Variants in PHACTR2 observed in about 807,000 individuals in gnomAD.
The protein encoded by PHACTR2 is chromosome 6 open reading frame 56.
A neutral mutation model predicts 76.0 loss-of-function variants in PHACTR2; 30 were observed. That is an observed-to-expected ratio of 0.39 (90% CI 0.30 to 0.54). The LOEUF is 0.54. Ranked by LOEUF, PHACTR2 falls within the 20% of genes least tolerant of loss-of-function variation. The probability of loss-of-function intolerance (pLI) is 0.61; values close to 1 mark genes in which losing one functional copy is unlikely to be tolerated. For missense variants in PHACTR2, 696 were observed against 781.1 expected (o/e 0.89, Z 1.30); for synonymous variants, 292 against 292.5 (o/e 1.00, Z 0.02).
Position 143,663,785 on chromosome 6 carries a change from T to C in PHACTR2, c.14-48231T>C, listed in dbSNP as rs1443250034. Among the ~76,000 whole-genome samples, 1 of 152,122 alleles carries C rather than the reference T, an allele frequency of 6.6e-6. No homozygotes were observed. The highest frequency in any genetic ancestry group is 2.1e-4 in the South Asian group (1 of 4,828). On this transcript the variant is annotated intron_variant, in intron 1 of 11. Transcript: ENST00000305766. This position sits in a 1 kb window ranked among gnomAD's most constrained non-coding sequence, Gnocchi z 4.1. ...GATTTTTAATTTAATTACATTATGG[T>C]CAGAGATCAGGGATTACTTAATATG...
Position 143,688,128 on chromosome 6 carries a change from AG to A in PHACTR2, c.46+9923del, listed in dbSNP as rs1316332101. Among the ~76,000 whole-genome samples, 5 of 152,178 alleles carry A rather than the reference AG, an allele frequency of 3.3e-5. No homozygotes were observed. Among genetic ancestry groups the A allele is most frequent in the African/African-American group, 1.2e-4 (5 of 41,534 alleles). On this transcript the variant is annotated intron_variant, in intron 1 of 12. Transcript: ENST00000440869. This position sits in a 1 kb window ranked among gnomAD's most constrained non-coding sequence, Gnocchi z 5.2. ...CAAGAATTCAGGCTCTGAAAAGGAAAGGGGTGGAAGGCAATACTGAAAGCCA... is the reference window on the plus strand; with the variant it reads ...CAAGAATTCAGGCTCTGAAAAGGAAAGGGTGGAAGGCAATACTGAAAGCCA...
In PHACTR2 at chr6:143,578,768, A is replaced by G. The variant is rs572850836; in HGVS notation, c.217+41561A>G. 3.3e-5 allele frequency among the ~76,000 whole-genome samples: 5 copies of G among 152,094 alleles called. No individual in the cohort carries two copies. Among genetic ancestry groups the G allele is most frequent in the Non-Finnish European group, 7.4e-5 (5 of 68,010 alleles). On this transcript the variant is annotated intron_variant, in intron 1 of 11. Transcript: ENST00000367584. The surrounding 1 kb of genome is among the most constrained non-coding windows in gnomAD (Gnocchi z 4.5). ...ATGAAGAAGACCTTGGTGAAGAAGAAAGGAGTCAGAAGTGAAAGCAGCTCA... is the reference window on the plus strand; with the variant it reads ...ATGAAGAAGACCTTGGTGAAGAAGAGAGGAGTCAGAAGTGAAAGCAGCTCA...
Position 143,731,246 on chromosome 6 carries a change from C to A in PHACTR2, c.215-17739C>A, listed in dbSNP as rs181570263. Among the ~76,000 whole-genome samples, 1 of 152,118 alleles carries A rather than the reference C, an allele frequency of 6.6e-6. No individual in the cohort carries two copies. The highest frequency in any genetic ancestry group is 2.4e-5 in the African/African-American group (1 of 41,492). On this transcript the variant is annotated intron_variant, in intron 2 of 12. Coordinates refer to ENST00000440869, the MANE Select transcript of PHACTR2 (RefSeq NM_001100164.2). The surrounding 1 kb of genome is among the most constrained non-coding windows in gnomAD (Gnocchi z 4.9). ...CATTGGCAGATTTTTGAATTTTGAA[C>A]CAGTTTTTGCATCCTTAGGATAAGT... is the stretch of plus-strand genomic sequence containing the variant.
rs1775314591 is a variant in PHACTR2, at chr6:143,563,569, A to AAAG, written c.217+26368_217+26370dup. Reference sequence around the variant, plus strand: ...TCCGTCTCAAAAAAAAAAAAAAAAAAAAGAAGAAACCCTGTGTTCTTTCTC... The same window carrying AAAG: ...TCCGTCTCAAAAAAAAAAAAAAAAAAAAGAAGAAGAAACCCTGTGTTCTTTCTC... On this transcript the variant is annotated intron_variant, in intron 1 of 11. Coordinates refer to the PHACTR2 transcript ENST00000367584. Among the ~76,000 whole-genome samples the AAAG allele has an allele frequency of 2.6e-5, 4 of 151,936 alleles. No individual in the cohort carries two copies. In the East Asian group the frequency reaches 5.8e-4, roughly 22 times the overall value.
chr6:143,613,316 AAAT>A (rs1776010633), intron 1 of PHACTR2, among the ~76,000 whole-genome samples: 1 of 152,268 alleles, frequency 6.6e-6, no homozygotes, highest in Non-Finnish European at 1.5e-5. Context: ...AAAATTTGAT[AAAT>A]AATCTGTTTT....
intron 3 of PHACTR2, among the ~76,000 whole-genome samples, chr6:143,752,516 T>C (rs1459733095): frequency 6.6e-6 from 1 of 152,158 alleles, no homozygotes; most frequent in Non-Finnish European, 1.5e-5. Context: ...TTGCCTTCAA[T>C]TATTGTTTAT....
At position 143,546,662 on chromosome 6, in the gene PHACTR2, G is replaced by T. The variant is rs74340823; in HGVS notation, c.217+9455G>T. Among the ~76,000 whole-genome samples the T allele has an allele frequency of 7.8e-3, 1,194 of 152,132 alleles. 23 individuals carry two copies. The East Asian group carries it at 0.091, about 12-fold the overall frequency. ...TAAACCCCTTTTCTCCAAACTACTG[G>T]TCATTATAAATCTTTGATTTTTACT... On this transcript the variant is annotated intron_variant, in intron 1 of 11. Coordinates refer to the PHACTR2 transcript ENST00000367584. This position sits in a 1 kb window ranked among gnomAD's most constrained non-coding sequence, Gnocchi z 4.9.
chr6:143,795,195 C>G lies in PHACTR2; in HGVS notation c.1845+6285C>G, dbSNP rs1775799288. 6.6e-6 allele frequency among the ~76,000 whole-genome samples: 1 copy of G among 152,138 alleles called. No individual in the cohort carries two copies. Among genetic ancestry groups the G allele is most frequent in the Non-Finnish European group, 1.5e-5 (1 of 68,036 alleles). On this transcript the variant is annotated intron_variant, in intron 11 of 12. Transcript: ENST00000440869. This position sits in a 1 kb window ranked among gnomAD's most constrained non-coding sequence, Gnocchi z 4.8. The stretch of plus-strand genomic sequence containing the variant: ...TTGGGAGGCCAAGGTGGGAGGGTCA[C>G]TTGAGGCCAGGAGTTAAAGACCAGC...
chr6:143,771,178 ATATATATATATG>A (rs1775112321), intron 6 of PHACTR2, among the ~76,000 whole-genome samples: 2 of 26,106 alleles, frequency 7.7e-5, no homozygotes, highest in African/African-American at 3.4e-4. Context: ...ATATATGTAT[ATATATATATATG>A]TGTGTATATA....
chr6:143,687,477 T>A (rs1296788758), intron 1 of PHACTR2, among the ~76,000 whole-genome samples: 1 of 152,202 alleles, frequency 6.6e-6, no homozygotes, highest in Admixed American at 6.5e-5. Flanking sequence ...AAGACTCAAC[T>A]GATGCAAAAG....
At position 143,646,032 on chromosome 6, in the gene PHACTR2, G is replaced by A. The variant is rs1399374319; in HGVS notation, c.13+37710G>A. On this transcript the variant is annotated intron_variant, in intron 1 of 11. Coordinates refer to the PHACTR2 transcript ENST00000305766. The surrounding 1 kb of genome is among the most constrained non-coding windows in gnomAD (Gnocchi z 4.1). ...GATGAAGCATAGATTTAAAAAAACTGGAGAAGAATAATTATGCAGAGATAA... is the reference window on the plus strand; with the variant it reads ...GATGAAGCATAGATTTAAAAAAACTAGAGAAGAATAATTATGCAGAGATAA... Among the ~76,000 whole-genome samples the A allele has an allele frequency of 1.3e-5, 2 of 152,080 alleles. No homozygotes were observed. The highest frequency in any genetic ancestry group is 1.3e-4 in the Admixed American group (2 of 15,270).
At chr6:143,590,682 C>A (rs1424076523) in intron 1 of PHACTR2, among the ~76,000 whole-genome samples, 1 of 152,098 alleles carries the variant, frequency 6.6e-6, no homozygotes, top group East Asian at 1.9e-4. Context: ...GGCTTTCTTT[C>A]TATCTCTCTA....
intron 1 of PHACTR2, among the ~76,000 whole-genome samples, chr6:143,563,500 G>A (rs1053592727): frequency 7.0e-6 from 1 of 142,442 alleles, no homozygotes; most frequent in Non-Finnish European, 1.5e-5. Context: ...AGATTGCAGT[G>A]AGCCAAGATC....
rs558745981 is a variant in PHACTR2 at position 143,820,862 on chromosome 6, A to G, written c.1923-2812A>G. 6.6e-6 allele frequency among the ~76,000 whole-genome samples: 1 copy of G among 152,318 alleles called. No homozygotes were observed. The highest frequency in any genetic ancestry group is 6.5e-5 in the Admixed American group (1 of 15,312). Reference sequence around the variant, plus strand: ...CCAGTAGGCTTCTGCCTGGACACCCAGGCTTTTCCATGTATCCCCTGAAAT... The same window carrying G: ...CCAGTAGGCTTCTGCCTGGACACCCGGGCTTTTCCATGTATCCCCTGAAAT... On this transcript the variant is annotated intron_variant, in intron 12 of 12. Coordinates refer to ENST00000440869, the MANE Select transcript of PHACTR2 (RefSeq NM_001100164.2). The surrounding 1 kb of genome is among the most constrained non-coding windows in gnomAD (Gnocchi z 4.2).
chr6:143,788,229 T>G (rs527859218), intron 10 of PHACTR2, among the ~76,000 whole-genome samples: 1 of 152,358 alleles, frequency 6.6e-6, no homozygotes, highest in African/African-American at 2.4e-5. Context: ...GGCATGTGTC[T>G]GATTGGGGTC....
rs189246525 is a variant in PHACTR2 at position 143,828,296 on chromosome 6, G to A, written c.*4607G>A. On this transcript the variant is annotated 3_prime_UTR_variant, in exon 13 of 13. Coordinates refer to ENST00000440869, the MANE Select transcript of PHACTR2 (RefSeq NM_001100164.2). This position sits in a 1 kb window ranked among gnomAD's most constrained non-coding sequence, Gnocchi z 4.7. ...TAGTTCAAACCCAGGTTTCAAAGAA[G>A]TAGCACTGGGCTCTACTGTAAAGGC... is the stretch of plus-strand genomic sequence containing the variant. 6 of 152,318 alleles carry A rather than the reference G, an allele frequency of 3.9e-5. No individual in the cohort carries two copies. The highest frequency in any genetic ancestry group is 7.3e-5 in the Non-Finnish European group (5 of 68,032). 9.4% of individuals were successfully genotyped at this position (152,318 alleles called of 1,614,324 possible).
Position 143,546,379 on chromosome 6 carries a change from A to C in PHACTR2, c.217+9172A>C, listed in dbSNP as rs918330585. Among the ~76,000 whole-genome samples the C allele has an allele frequency of 4.0e-5, 6 of 151,722 alleles. No homozygotes were observed. Among genetic ancestry groups the C allele is most frequent in the Admixed American group, 3.9e-4 (6 of 15,232 alleles). ...ACTTAAAAAAAAAAAAAAACATGTT[A>C]TCTCTCTCTAGAACTTTGGACTGTG... On this transcript the variant is annotated intron_variant, in intron 1 of 11. Coordinates refer to the PHACTR2 transcript ENST00000367584. The surrounding 1 kb of genome is among the most constrained non-coding windows in gnomAD (Gnocchi z 4.9).
chr6:143,719,349 C>CTT (rs34643788), intron 2 of PHACTR2, among the ~76,000 whole-genome samples: 55 of 86,886 alleles, frequency 6.3e-4, no homozygotes, highest in Non-Finnish European at 9.4e-4. Context: ...TTCGACACTT[C>CTT]TTTTTTTTTT....
rs971916256 is a variant in PHACTR2 at position 143,679,650 on chromosome 6, C to T, written c.46+1441C>T. 2.0e-5 allele frequency among the ~76,000 whole-genome samples: 3 copies of T among 151,982 alleles called. No homozygotes were observed. The highest frequency in any genetic ancestry group is 7.3e-5 in the African/African-American group (3 of 41,366). On this transcript the variant is annotated intron_variant, in intron 1 of 12. Transcript: ENST00000440869. This position sits in a 1 kb window ranked among gnomAD's most constrained non-coding sequence, Gnocchi z 4.6. The stretch of plus-strand genomic sequence containing the variant: ...TTAGTGATTTTATCACAAAATATTA[C>T]TCGAGTGAATATTAGAAAAGCAAAT...
Sources: allele counts gnomAD v4.1 joint callset (sites outside exome capture counted in the v4.1 genomes callset), GRCh38; gene constraint gnomAD v4.1.1; non-coding constraint Gnocchi (gnomAD v3.1); transcripts MANE v1.5; gene names NCBI Gene and HGNC (gene_info 2026-07-23, HGNC 2026-07-21).